The following BCCIP variants were observed in gnomAD, a reference collection of about 807,000 sequenced individuals.
The protein encoded by BCCIP is BRCA2 and CDKN1A-interacting protein.
In BCCIP, 23 loss-of-function variants were observed where a neutral mutation model predicts 32.8. The observed-to-expected ratio is 0.70, with a 90% CI of 0.51 to 0.99. The LOEUF (loss-of-function observed/expected upper bound fraction) is 0.99, where lower values mean the gene tolerates loss of function less well. Among genes scored for constraint, BCCIP ranks in the 50% least tolerant of loss-of-function variants. BCCIP has a pLI of 0.00. For missense variants in BCCIP, 378 were observed against 379.8 expected (o/e 1.00, Z 0.04); for synonymous variants, 144 against 137.6 (o/e 1.05, Z -0.33).
chr10:125,836,427 C>G lies in BCCIP; in HGVS notation c.*153C>G. The G allele has an allele frequency of 6.9e-7, 1 of 1,440,544 alleles. No homozygotes were observed. Among genetic ancestry groups the G allele is most frequent in the Non-Finnish European group, 9.1e-7 (1 of 1,102,816 alleles). 89.2% of individuals were successfully genotyped at this position (1,440,544 alleles called of 1,614,324 possible). ...GTGTCTCTGACACATTTACAAAATA[C>G]CAGTTTTTTAAAATTTTGGTCAAAT... On this transcript the variant is annotated 3_prime_UTR_variant, in exon 7 of 7. Transcript: ENST00000278100.
chr10:125,824,312 T>A (rs1462385564), intron 1 of BCCIP, among the ~76,000 whole-genome samples: 1 of 152,222 alleles, frequency 6.6e-6, no homozygotes, highest in African/African-American at 2.4e-5. Context: ...TCAGACTAGG[T>A]CCTACCGTAG....
chr10:125,830,616 G>T lies in BCCIP; in HGVS notation c.376G>T (p.Gly126Cys). 6.2e-7 allele frequency: 1 copy of T among 1,608,624 alleles called. No individual in the cohort carries two copies. Among genetic ancestry groups the T allele is most frequent in the South Asian group, 1.1e-5 (1 of 89,648 alleles). The change falls in exon 4 of 7, where the codon GGT (glycine) becomes TGT (cysteine). Residue 126 changes from glycine to cysteine, a missense_variant. Physicochemically the swap from Gly to Cys is radical, Grantham distance 159. Coordinates refer to ENST00000278100, the MANE Select transcript of BCCIP (RefSeq NM_078468.3). ...TGATATGGATGAAGATGAGGTTTTT[G>T]GTTTCATAAGCCTTTTAAATTTAAC... ...NDDMDEDEVF[G>C]FISLLNLTER... is the part of the protein sequence containing the mutation.
At chr10:125,826,996 T>TAAAAAAGAAAAAA (rs1554893089) in intron 2 of BCCIP, among the ~76,000 whole-genome samples, 2 of 129,318 alleles carry the variant, frequency 1.5e-5, no homozygotes, top group Admixed American at 7.5e-5. Flanking sequence ...CCTCTGTCTC[T>TAAAAAAGAAAAAA]AAAAAAAAAG....
intron 5 of BCCIP, among the ~76,000 whole-genome samples, chr10:125,832,772 G>A (rs865832331): frequency 6.6e-6 from 1 of 151,408 alleles, no homozygotes; most frequent in Admixed American, 6.6e-5. Flanking sequence ...GCCACTGCAC[G>A]CCAGCCTGGG....
At chr10:125,852,240 G>T in intron 7 of BCCIP, 1 of 1,595,282 alleles carries the variant, frequency 6.3e-7, no homozygotes. Context: ...AGAATGGGCA[G>T]GAGAAGGTGA....
chr10:125,849,021 TG>T (rs1944057999), intron 7 of BCCIP, among the ~76,000 whole-genome samples: 1 of 152,198 alleles, frequency 6.6e-6, no homozygotes, highest in Non-Finnish European at 1.5e-5. Flanking sequence ...CCCCTCAATA[TG>T]GGGACCATCT....
chr10:125,832,771 C>T (rs1283930017), intron 5 of BCCIP, among the ~76,000 whole-genome samples: 4 of 151,076 alleles, frequency 2.6e-5, no homozygotes, highest in African/African-American at 9.7e-5. Flanking sequence ...AGCCACTGCA[C>T]GCCAGCCTGG....
intron 5 of BCCIP, among the ~76,000 whole-genome samples, chr10:125,832,141 C>CTG (rs1357481723): frequency 2.0e-5 from 3 of 151,942 alleles, no homozygotes; most frequent in Non-Finnish European, 4.4e-5. Context: ...ATTGTATTGT[C>CTG]TGTGCTTTGC....
At chr10:125,852,554 G>T in intron 7 of BCCIP, 1 of 1,613,532 alleles carries the variant, frequency 6.2e-7, no homozygotes, top group South Asian at 1.1e-5. Context: ...TGAAGAAGAT[G>T]AGCCAAGAAT....
intron 7 of BCCIP, among the ~76,000 whole-genome samples, chr10:125,851,570 A>G (rs548059647): frequency 2.0e-5 from 3 of 152,268 alleles, no homozygotes; most frequent in African/African-American, 7.2e-5. Context: ...TGGAAGAGCA[A>G]TTTTCAAAAA....
intron 3 of BCCIP, among the ~76,000 whole-genome samples, chr10:125,829,675 G>A (rs1854479302): frequency 6.6e-6 from 1 of 152,120 alleles, no homozygotes; most frequent in Non-Finnish European, 1.5e-5. Flanking sequence ...AAACCTATGG[G>A]GCATTCCTTT....
At position 125,841,895 on chromosome 10, in the gene BCCIP, TA is replaced by T. The variant is rs1241140938; in HGVS notation, c.*538del. Reference sequence around the variant, plus strand: ...TCCATCATTATCCAGTGCTGCCAGATAATCTAAGTCTTCCAATGCCTGCATC... The same window carrying T: ...TCCATCATTATCCAGTGCTGCCAGATATCTAAGTCTTCCAATGCCTGCATC... On this transcript the variant is annotated 3_prime_UTR_variant, in exon 7 of 7. Transcript: ENST00000299130. 5 of 1,608,518 alleles carry T rather than the reference TA, an allele frequency of 3.1e-6. No homozygotes were observed. Among genetic ancestry groups the T allele is most frequent in the Non-Finnish European group, 4.2e-6 (5 of 1,178,762 alleles).
At chr10:125,841,199 G>T, downstream of BCCIP, 1 of 1,536,516 alleles carries the variant, frequency 6.5e-7, no homozygotes, top group East Asian at 2.3e-5. Flanking sequence ...GTGTGTGTGT[G>T]TTTGCTTTTC....
chr10:125,852,172 A>C, intron 7 of BCCIP: 1 of 1,294,804 alleles, frequency 7.7e-7, no homozygotes, highest in Non-Finnish European at 1.0e-6. Flanking sequence ...CTTCAGTCCA[A>C]ACCAACGCCC....
chr10:125,836,057 C>T (rs769061894), intron 6 of BCCIP, 47 bp from the exon 7 acceptor site: 4 of 1,532,454 alleles, frequency 2.6e-6, no homozygotes, highest in Non-Finnish European at 3.6e-6. Context: ...TGGGTTTTGT[C>T]TTTGGGTTGT....
chr10:125,848,948 A>G (rs970116683), intron 7 of BCCIP, among the ~76,000 whole-genome samples: 2 of 152,192 alleles, frequency 1.3e-5, no homozygotes, highest in Non-Finnish European at 2.9e-5. Flanking sequence ...CCACTAGCAA[A>G]TGATGGGGCC....
chr10:125,849,332 G>A (rs758876022), intron 7 of BCCIP, among the ~76,000 whole-genome samples: 8 of 152,148 alleles, frequency 5.3e-5, no homozygotes, highest in Non-Finnish European at 1.0e-4. Context: ...AGGGCTTCAG[G>A]AGCCAAAAGT....
chr10:125,850,154 A>T (rs1000844451), intron 7 of BCCIP, among the ~76,000 whole-genome samples: 2 of 130,834 alleles, frequency 1.5e-5, no homozygotes, highest in African/African-American at 3.0e-5. Context: ...AAAAAAAAAA[A>T]TTTGTAGAGA....
In BCCIP at chr10:125,836,450, AATT is replaced by A; in HGVS notation, c.*179_*181del. 7.0e-7 allele frequency: 1 copy of A among 1,421,168 alleles called. No individual in the cohort carries two copies. Among genetic ancestry groups the A allele is most frequent in the Non-Finnish European group, 9.2e-7 (1 of 1,092,824 alleles). 88.0% of individuals were successfully genotyped at this position (1,421,168 alleles called of 1,614,324 possible). On this transcript the variant is annotated 3_prime_UTR_variant, in exon 7 of 7. Transcript: ENST00000278100. ...TACCAGTTTTTTAAAATTTTGGTCA[AATT>A]ATGAGTGGTTGATTTAAAAACTTTT...
Sources: gnomAD v4.1 joint callset for allele counts (sites outside exome capture counted in the v4.1 genomes callset) on GRCh38, gnomAD v4.1.1 for gene constraint, MANE v1.5 for transcripts, NCBI Gene and HGNC (gene_info 2026-07-23, HGNC 2026-07-21) for gene names.